Variants in GOLM1 observed in about 807,000 individuals in gnomAD.
The protein encoded by GOLM1 is epididymis luminal protein 46.
Under a neutral mutation model 50.5 loss-of-function variants are expected in GOLM1, and 31 were observed. The observed-to-expected ratio is 0.61, with a 90% CI of 0.46 to 0.83. The LOEUF (loss-of-function observed/expected upper bound fraction) is 0.83, where lower values mean the gene tolerates loss of function less well. GOLM1 is among the 40% of genes least tolerant of loss of function. The probability of loss-of-function intolerance (pLI) is 0.00; values close to 1 mark genes in which losing one functional copy is unlikely to be tolerated. For synonymous variants in GOLM1, 178 were observed against 192.8 expected, an observed-to-expected ratio of 0.92 and a Z score of 0.64; for missense variants, 491 against 501.3, an observed-to-expected ratio of 0.98 and a Z score of 0.20.
At chr9:86,064,803 G>A (rs1834260005) in intron 3 of GOLM1, among the ~76,000 whole-genome samples, 1 of 152,200 alleles carries the variant, frequency 6.6e-6, no homozygotes, top group South Asian at 2.1e-4. Context: ...CATGGCCCTT[G>A]AGCCGCCTGC....
At position 86,035,405 on chromosome 9, in the gene GOLM1, G is replaced by C; in HGVS notation, c.978C>G (p.Pro326=). ...CTTCCTGCTCCTCCTCCTGTCCGTC[G>C]GGGATGACAAGCTGGTCTCGCTCAG... ...EGPERDQLVI[P]DGQEEEQEAA... is the part of the protein sequence containing the mutation. The change falls in exon 8 of 10, where the codon CCC becomes CCG. Residue 326 remains proline (P), a synonymous_variant. Transcript: ENST00000388712. The C allele has an allele frequency of 1.2e-6, 2 of 1,613,898 alleles. No individual in the cohort carries two copies. The highest frequency in any genetic ancestry group is 1.7e-6 in the Non-Finnish European group (2 of 1,179,996).
intron 6 of GOLM1, among the ~76,000 whole-genome samples, chr9:86,038,023 G>A (rs1206957620): frequency 3.9e-5 from 6 of 152,046 alleles, no homozygotes; most frequent in South Asian, 2.1e-4. Context: ...GTGTGGTAGC[G>A]CATGCCTGTA....
At chr9:86,036,770 A>G (rs938863806) in intron 6 of GOLM1, 6 of 463,500 alleles carry the variant, frequency 1.3e-5, no homozygotes, top group Non-Finnish European at 1.9e-5. Context: ...GGAAGCATTT[A>G]CGGAATAATA....
chr9:86,099,702 T>C (rs1294758156), upstream of GOLM1: 9 of 151,368 alleles, frequency 5.9e-5, no homozygotes, highest in African/African-American at 9.7e-5. Context: ...CCCCGGCCGG[T>C]GGCCGCCCCT....
chr9:86,060,804 G>A (rs1834131061), intron 3 of GOLM1, among the ~76,000 whole-genome samples: 1 of 143,928 alleles, frequency 6.9e-6, no homozygotes. Flanking sequence ...CTTGAACCTG[G>A]GAGGCAGAGG....
chr9:86,057,588 C>T (rs6559894), intron 3 of GOLM1, among the ~76,000 whole-genome samples: 44,896 of 152,136 alleles, frequency 0.3, 8,601 homozygotes, highest in East Asian at 0.54. Flanking sequence ...GCCTTCGGTT[C>T]CTTGTCAGCC....
chr9:86,054,388 C>A (rs999443149), intron 3 of GOLM1, among the ~76,000 whole-genome samples: 7 of 152,034 alleles, frequency 4.6e-5, no homozygotes, highest in African/African-American at 1.7e-4. Context: ...CTGCCTCAGC[C>A]TCCCAAGTAG....
At chr9:86,062,275 C>A (rs1317212447) in intron 3 of GOLM1, among the ~76,000 whole-genome samples, 1 of 152,098 alleles carries the variant, frequency 6.6e-6, no homozygotes, top group Non-Finnish European at 1.5e-5. Context: ...GGTGTGGTGG[C>A]CATCACAGAC....
chr9:86,052,758 AG>A (rs1460434967), intron 3 of GOLM1, among the ~76,000 whole-genome samples, 167 bp from the exon 4 acceptor site: 1 of 110,914 alleles, frequency 9.0e-6, no homozygotes, highest in Non-Finnish European at 2.0e-5. Flanking sequence ...GCTGCTGAAA[AG>A]GAACAGGCCG....
intron 3 of GOLM1, among the ~76,000 whole-genome samples, chr9:86,073,763 T>C (rs1422341195): frequency 6.6e-6 from 1 of 152,222 alleles, no homozygotes; most frequent in Non-Finnish European, 1.5e-5. Context: ...GTGACCATTA[T>C]TTGGCTATTT....
At chr9:86,040,524 C>T (rs990373068) in intron 6 of GOLM1, among the ~76,000 whole-genome samples, 1 of 152,140 alleles carries the variant, frequency 6.6e-6, no homozygotes, top group Non-Finnish European at 1.5e-5. Flanking sequence ...CGATAATTCC[C>T]GTAAAGCCCT....
upstream of GOLM1, chr9:86,100,043 C>A (rs1163878140): frequency 6.6e-6 from 1 of 152,222 alleles, no homozygotes; most frequent in African/African-American, 2.4e-5. Context: ...CTTTTTTCTC[C>A]CACGAGGCAT....
At chr9:86,080,795 CT>C (rs1834758417) in intron 1 of GOLM1, among the ~76,000 whole-genome samples, 1 of 151,358 alleles carries the variant, frequency 6.6e-6, no homozygotes, top group Non-Finnish European at 1.5e-5. Flanking sequence ...CCACGTTTTT[CT>C]TTCAATTATC....
chr9:86,036,646 T>C, intron 6 of GOLM1, 139 bp from the exon 7 acceptor site: 1 of 818,992 alleles, frequency 1.2e-6, no homozygotes, highest in Non-Finnish European at 1.9e-6. Flanking sequence ...CGCCACAGTC[T>C]ACTCTGGTCA....
chr9:86,050,309 A>G (rs1038457606), intron 4 of GOLM1, among the ~76,000 whole-genome samples: 1 of 152,064 alleles, frequency 6.6e-6, no homozygotes, highest in Non-Finnish European at 1.5e-5. Flanking sequence ...TTCATCAGGG[A>G]TATAGGTCTA....
At chr9:86,032,963 G>T (rs1179116784) in intron 9 of GOLM1, among the ~76,000 whole-genome samples, 1 of 152,224 alleles carries the variant, frequency 6.6e-6, no homozygotes, top group Non-Finnish European at 1.5e-5. Flanking sequence ...GAGGCAGACT[G>T]ATCAAGTAGT....
chr9:86,045,730 TA>T (rs143903367), intron 5 of GOLM1, among the ~76,000 whole-genome samples: 2,427 of 151,464 alleles, frequency 0.016, 63 homozygotes, highest in African/African-American at 0.053. Flanking sequence ...ATAACGCAAG[TA>T]AAAAAATGAT....
At chr9:86,030,737 A>C (rs1379771473) in intron 9 of GOLM1, among the ~76,000 whole-genome samples, 1 of 152,224 alleles carries the variant, frequency 6.6e-6, no homozygotes, top group East Asian at 1.9e-4. Flanking sequence ...TATAAACATT[A>C]ATTTCCTTAT....
At chr9:86,049,759 A>G (rs1449072617) in intron 4 of GOLM1, among the ~76,000 whole-genome samples, 1 of 152,190 alleles carries the variant, frequency 6.6e-6, no homozygotes, top group East Asian at 1.9e-4. Flanking sequence ...GCTTAAGGAG[A>G]TTTTGAGCTG....
Sources: allele counts gnomAD v4.1 joint callset (sites outside exome capture counted in the v4.1 genomes callset), GRCh38; gene constraint gnomAD v4.1.1; transcripts MANE v1.5; gene names NCBI Gene and HGNC (gene_info 2026-07-23, HGNC 2026-07-21).